The following CRIM1 variants were observed in gnomAD, a reference collection of about 807,000 sequenced individuals.
CRIM1 encodes the protein cysteine rich transmembrane BMP regulator 1.
Under a neutral mutation model 116.4 loss-of-function variants are expected in CRIM1, and 32 were observed. That is an observed-to-expected ratio of 0.27 (90% CI 0.21 to 0.37). The LOEUF is 0.37. Among genes scored for constraint, CRIM1 ranks in the 10% least tolerant of loss-of-function variants. CRIM1 has a pLI of 1.00. For missense variants in CRIM1, 1,331 were observed against 1,354.8 expected (o/e 0.98, Z 0.28); for synonymous variants, 590 against 509.2 (o/e 1.16, Z -2.13).
At chr2:36,545,010 A>G (rs1269872832) in intron 15 of CRIM1, among the ~76,000 whole-genome samples, 3 of 152,070 alleles carry the variant, frequency 2.0e-5, no homozygotes, top group East Asian at 1.9e-4. Context: ...ATCTTGCTCT[A>G]TCCTTTCAGT....
chr2:36,363,929 C>T (rs562791657), intron 1 of CRIM1, among the ~76,000 whole-genome samples: 11 of 152,286 alleles, frequency 7.2e-5, no homozygotes, highest in African/African-American at 2.6e-4. Flanking sequence ...ATCCATTCCT[C>T]TTGTTCTTTT....
chr2:36,454,960 T>C (rs1572770179), intron 4 of CRIM1, among the ~76,000 whole-genome samples: 1 of 152,068 alleles, frequency 6.6e-6, no homozygotes, highest in African/African-American at 2.4e-5. Context: ...AAGATGGTGG[T>C]TCAAGTGAAA....
intron 5 of CRIM1, among the ~76,000 whole-genome samples, chr2:36,469,785 C>T (rs1326811050): frequency 2.0e-5 from 3 of 152,192 alleles, no homozygotes; most frequent in African/African-American, 7.2e-5. Flanking sequence ...CAATACTCCA[C>T]TCAGTATGTG....
intron 14 of CRIM1, among the ~76,000 whole-genome samples, chr2:36,539,545 G>A (rs1160774746): frequency 1.3e-5 from 2 of 152,198 alleles, no homozygotes; most frequent in Non-Finnish European, 2.9e-5. Flanking sequence ...CTCTGGTGCT[G>A]GGTTGAACAT....
chr2:36,538,445 C>T (rs141645876), intron 14 of CRIM1, among the ~76,000 whole-genome samples: 114 of 152,184 alleles, frequency 7.5e-4, no homozygotes, highest in African/African-American at 2.4e-3. Flanking sequence ...TGTCTTACCT[C>T]GATTCTCATG....
At chr2:36,407,918 T>C (rs1672932978) in intron 2 of CRIM1, among the ~76,000 whole-genome samples, 1 of 152,130 alleles carries the variant, frequency 6.6e-6, no homozygotes, top group African/African-American at 2.4e-5. Context: ...ATTCATGGAT[T>C]TTTTTTCACC....
intron 14 of CRIM1, among the ~76,000 whole-genome samples, chr2:36,542,661 A>G (rs1339541053): frequency 6.6e-6 from 1 of 152,134 alleles, no homozygotes; most frequent in Admixed American, 6.5e-5. Context: ...TTCGGCCCCT[A>G]TTGTCATAGG....
intron 13 of CRIM1, among the ~76,000 whole-genome samples, chr2:36,526,614 C>T (rs76619107): frequency 0.013 from 1,970 of 152,188 alleles, 44 homozygotes; most frequent in African/African-American, 0.046. Flanking sequence ...CTCATATCCC[C>T]ATATGAGCCC....
intron 5 of CRIM1, among the ~76,000 whole-genome samples, chr2:36,467,035 T>G (rs1281254650): frequency 6.6e-6 from 1 of 152,212 alleles, no homozygotes; most frequent in Non-Finnish European, 1.5e-5. Context: ...ACCTCCACCT[T>G]AGCAACCTTG....
At chr2:36,405,670 T>C (rs1459377898) in intron 2 of CRIM1, among the ~76,000 whole-genome samples, 1 of 152,242 alleles carries the variant, frequency 6.6e-6, no homozygotes, top group Admixed American at 6.5e-5. Flanking sequence ...ATGGATTTGT[T>C]GTGCTGGTGT....
chr2:36,366,201 T>G (rs1669593673), intron 1 of CRIM1, among the ~76,000 whole-genome samples: 1 of 151,766 alleles, frequency 6.6e-6, no homozygotes, highest in South Asian at 2.1e-4. Flanking sequence ...GGTTTACAAC[T>G]TTTTTTTTCC....
At chr2:36,378,806 G>GGTC (rs1553368331) in intron 1 of CRIM1, 1 of 118,922 alleles carries the variant, frequency 8.4e-6, no homozygotes, top group African/African-American at 3.4e-5. Flanking sequence ...GTTGTTTTCG[G>GGTC]TTTTTTTTTT....
In CRIM1 at chr2:36,467,788, G is replaced by A. The variant is rs946508360; in HGVS notation, c.991+3133G>A. Among the ~76,000 whole-genome samples the A allele has an allele frequency of 2.6e-5, 4 of 152,118 alleles. No homozygotes were observed. The East Asian group carries it at 7.7e-4, about 29-fold the overall frequency. ...CCCCCAGTTTTCTGGCCATCAAAGTGAAAAAGGAGATAGGGTCAAATACGC... is the reference window on the plus strand; with the variant it reads ...CCCCCAGTTTTCTGGCCATCAAAGTAAAAAAGGAGATAGGGTCAAATACGC... On this transcript the variant is annotated intron_variant, in intron 5 of 16. Coordinates refer to ENST00000280527, the MANE Select transcript of CRIM1 (RefSeq NM_016441.3).
chr2:36,512,344 C>T lies in CRIM1; in HGVS notation c.1730C>T (p.Pro577Leu), dbSNP rs145632718. Residue 577 changes from proline (P) to leucine (L), a missense_variant, in exon 10 of 17, where the codon CCC becomes CTC. Around this residue, in one of 3 missense-constraint regions of CRIM1, gnomAD observed 358 missense variants for 436.1 expected, o/e 0.82. Coordinates refer to ENST00000280527, the MANE Select transcript of CRIM1 (RefSeq NM_016441.3). ...GAGCTCTCATGCAGTAAGATCTGCC[C>T]CTTGGGTTTCCAGCAGGACAGTCAC... ...CPELSCSKIC[P>L]LGFQQDSHGC... 3 of 1,613,748 alleles carry T rather than the reference C, an allele frequency of 1.9e-6. No individual in the cohort carries two copies. Among genetic ancestry groups the T allele is most frequent in the Middle Eastern group, 1.6e-4 (1 of 6,084 alleles).
intron 1 of CRIM1, among the ~76,000 whole-genome samples, chr2:36,366,555 GGAGTA>G (rs1669616729): frequency 6.6e-6 from 1 of 151,978 alleles, no homozygotes; most frequent in Non-Finnish European, 1.5e-5. Flanking sequence ...AAAAGGAGAG[GGAGTA>G]GATGGTGGTC....
intron 5 of CRIM1, among the ~76,000 whole-genome samples, chr2:36,474,760 A>G (rs1678820805): frequency 6.8e-6 from 1 of 147,918 alleles, no homozygotes; most frequent in African/African-American, 2.5e-5. Flanking sequence ...AGGCAGGAGA[A>G]TCACTTGAAC....
intron 13 of CRIM1, among the ~76,000 whole-genome samples, chr2:36,535,104 A>G (rs1558411483): frequency 2.5e-5 from 3 of 118,426 alleles, no homozygotes; most frequent in African/African-American, 1.0e-4. Flanking sequence ...AATGAAGGAG[A>G]GAGGGAAGGA....
At chr2:36,407,525 G>T (rs876458) in intron 2 of CRIM1, among the ~76,000 whole-genome samples, 19,796 of 151,926 alleles carry the variant, frequency 0.13, 1,572 homozygotes, top group East Asian at 0.46. Context: ...AAAATAAAAG[G>T]GTTACCAAAA....
chr2:36,537,203 A>G, intron 13 of CRIM1, 149 bp from the exon 14 acceptor site: 1 of 748,510 alleles, frequency 1.3e-6, no homozygotes, highest in Non-Finnish European at 2.2e-6. Flanking sequence ...TAAGGAAATG[A>G]AAGACTAGGG....
Sources: allele counts gnomAD v4.1 joint callset (sites outside exome capture counted in the v4.1 genomes callset), GRCh38; gene constraint gnomAD v4.1.1; regional missense constraint gnomAD v4.1.1; transcripts MANE v1.5; gene names NCBI Gene and HGNC (gene_info 2026-07-23, HGNC 2026-07-21).